MEGF8: variants seen among roughly 807,000 people sequenced by gnomAD.
MEGF8 encodes the protein multiple EGF like domains 8.
In MEGF8, 156 loss-of-function variants were observed where a neutral mutation model predicts 302.9. The observed-to-expected ratio is 0.52, with a 90% CI of 0.45 to 0.59. The LOEUF (loss-of-function observed/expected upper bound fraction) is 0.59, where lower values mean the gene tolerates loss of function less well. Ranked by LOEUF, MEGF8 falls within the 20% of genes least tolerant of loss-of-function variation. The probability of loss-of-function intolerance (pLI) is 0.00; values close to 1 mark genes in which losing one functional copy is unlikely to be tolerated. For synonymous variants in MEGF8, 1,621 were observed against 1,660.5 expected (o/e 0.98, Z 0.58); for missense variants, 3,345 against 3,964.5 (o/e 0.84, Z 4.20).
rs140035679 is a variant in MEGF8, at chr19:42,349,654, C to T, written c.2454C>T (p.Ser818=). 1,577 of 1,611,924 alleles carry T rather than the reference C, an allele frequency of 9.8e-4. 5 individuals are homozygous for T. The highest frequency in any genetic ancestry group is 9.6e-3 in the Middle Eastern group (58 of 6,054). Residue 818 remains serine (S), a synonymous_variant, in exon 14 of 42, where the codon AGC becomes AGT. Transcript: ENST00000251268. ...ATGGCTCGGCAGGCCCTGGGCACAG[C>T]GAGCTAACTCTGCTGTGGGATCGGA... is the stretch of plus-strand genomic sequence containing the variant. The part of the protein sequence containing the change: ...QLNGSAGPGH[S]ELTLLWDRTG...
intron 5 of MEGF8, 100 bp downstream of exon 5, chr19:42,335,485 C>T: frequency 3.7e-6 from 4 of 1,083,484 alleles, no homozygotes; most frequent in Non-Finnish European, 5.5e-6. Context: ...TCCCACAGTT[C>T]CTGCAGCTTG....
At chr19:42,343,367 A>G in intron 8 of MEGF8, 110 bp from the exon 9 acceptor site, 1 of 1,283,644 alleles carries the variant, frequency 7.8e-7, no homozygotes, top group Non-Finnish European at 1.1e-6. Context: ...GTGAGGTTGA[A>G]GCAGCCACCG....
rs144124759 is a variant in MEGF8, at chr19:42,356,833, C to T, written c.4682C>T (p.Pro1561Leu). 339 of 1,563,050 alleles carry T rather than the reference C, an allele frequency of 2.2e-4. No homozygotes were observed. The highest frequency in any genetic ancestry group is 2.7e-4 in the Non-Finnish European group (317 of 1,153,958). Residue 1561 changes from proline to leucine, a missense_variant, in exon 27 of 42, where the codon CCA becomes CTA. Pro to Leu is a moderately conservative substitution (Grantham distance 98). Transcript: ENST00000251268. This position sits in a 1 kb window ranked among gnomAD's most constrained non-coding sequence, Gnocchi z 5.2. The part of the protein sequence containing the change: ...QMLAGAEDGG[P>L]GPSPRSFHAA... ...CTGGCGGGAGCCGAGGACGGGGGCC[C>T]AGGCCCATCGCCCCGCTCCTTCCAT...
chr19:42,364,939 C>T (rs2039582953), intron 35 of MEGF8, among the ~76,000 whole-genome samples: 2 of 152,224 alleles, frequency 1.3e-5, no homozygotes, highest in Admixed American at 1.3e-4. Flanking sequence ...ATCATTGTTA[C>T]TGTAATGAGC....
Position 42,352,392 on chromosome 19 carries a change from C to A in MEGF8, c.3286C>A (p.Leu1096Ile), listed in dbSNP as rs1470268755. 1.3e-6 allele frequency: 2 copies of A among 1,595,970 alleles called. No individual in the cohort carries two copies. Among genetic ancestry groups the A allele is most frequent in the Non-Finnish European group, 1.7e-6 (2 of 1,171,930 alleles). Residue 1096 changes from leucine to isoleucine, a missense_variant, in exon 19 of 42, where the codon CTC becomes ATC. Leu to Ile is a conservative substitution (Grantham distance 5). Transcript: ENST00000251268. This position sits in a 1 kb window ranked among gnomAD's most constrained non-coding sequence, Gnocchi z 4.4. Reference protein sequence around the residue: ...HPRATCLNTPLSYECHCQRGY... With the variant: ...HPRATCLNTPISYECHCQRGY... ...GCGGGCGACCTGCCTGAACACGCCC[C>A]TCAGCTACGAGTGTCACTGCCAGCG...
Position 42,358,221 on chromosome 19 carries a change from G to A in MEGF8, c.5089G>A (p.Glu1697Lys), listed in dbSNP as rs1349042692. 1.3e-6 allele frequency: 2 copies of A among 1,599,992 alleles called. 1 individual carries two copies. The highest frequency in any genetic ancestry group is 1.7e-6 in the Non-Finnish European group (2 of 1,174,262). The change falls in exon 29 of 42, where the codon GAG (glutamate) becomes AAG (lysine). Residue 1697 changes from glutamate (E) to lysine (K), a missense_variant. Coordinates refer to ENST00000251268, the MANE Select transcript of MEGF8 (RefSeq NM_001271938.2). The surrounding 1 kb of genome is among the most constrained non-coding windows in gnomAD (Gnocchi z 4.4). ...YVFGGFRFHVELAAPSPELYS... is the reference protein window; with the variant it reads ...YVFGGFRFHVKLAAPSPELYS... ...GTTTGGGGGGTTCCGATTCCATGTG[G>A]AGCTGGCGGCCCCATCCCCCGAGCT...
Position 42,358,031 on chromosome 19 carries a change from C to A in MEGF8, c.5012-113C>A. On this transcript the variant is annotated intron_variant, in intron 28 of 41. Coordinates refer to ENST00000251268, the MANE Select transcript of MEGF8 (RefSeq NM_001271938.2). This position sits in a 1 kb window ranked among gnomAD's most constrained non-coding sequence, Gnocchi z 4.4. ...GACGGGTGGAGAGGGGCTCCCAGGCCTCCAGTCTCAGGGCCGGGGAAGGGA... is the reference window on the plus strand; with the variant it reads ...GACGGGTGGAGAGGGGCTCCCAGGCATCCAGTCTCAGGGCCGGGGAAGGGA... 1 of 1,084,160 alleles carries A rather than the reference C, an allele frequency of 9.2e-7. No individual in the cohort carries two copies. Among genetic ancestry groups the A allele is most frequent in the Non-Finnish European group, 1.3e-6 (1 of 795,308 alleles). The allele number at this position is 1,084,160 out of a possible 1,614,324, so 67.2% of individuals were successfully genotyped here. A position where few individuals can be genotyped will look rare whatever the true frequency, so the allele number is the denominator to read the frequency against.
chr19:42,343,141 T>C (rs2147462391), intron 8 of MEGF8, among the ~76,000 whole-genome samples: 1 of 152,276 alleles, frequency 6.6e-6, no homozygotes, highest in African/African-American at 2.4e-5. Flanking sequence ...GTTCTTTTTA[T>C]AGAGGAGGAA....
Position 42,362,651 on chromosome 19 carries a change from G to T in MEGF8, c.6058+54G>T. 3 of 1,586,052 alleles carry T rather than the reference G, an allele frequency of 1.9e-6. No homozygotes were observed. In the Admixed American group the frequency reaches 5.0e-5, roughly 26 times the overall value. On this transcript the variant is annotated intron_variant, in intron 34 of 41. Transcript: ENST00000251268. ...GGAGTCTTGGGGCCTGGACTCCTGGGTCTGAGGGAGGAGGGGCTGGGGGCC... is the reference window on the plus strand; with the variant it reads ...GGAGTCTTGGGGCCTGGACTCCTGGTTCTGAGGGAGGAGGGGCTGGGGGCC...
At chr19:42,342,953 C>G (rs928404101) in intron 8 of MEGF8, among the ~76,000 whole-genome samples, 2 of 152,166 alleles carry the variant, frequency 1.3e-5, no homozygotes, top group Non-Finnish European at 2.9e-5. Context: ...GAACCAGGGA[C>G]AACTCCACCT....
In MEGF8 at chr19:42,375,627, G is replaced by A; in HGVS notation, c.7390G>A (p.Glu2464Lys). The A allele has an allele frequency of 1.2e-6, 2 of 1,608,072 alleles. No homozygotes were observed. Among genetic ancestry groups the A allele is most frequent in the Non-Finnish European group, 1.7e-6 (2 of 1,177,892 alleles). The change falls in exon 42 of 42, where the codon GAG (glutamate) becomes AAG (lysine). Residue 2464 changes from glutamate to lysine, a missense_variant. By Grantham distance (56) the Glu-to-Lys change is moderately conservative. Coordinates refer to ENST00000251268, the MANE Select transcript of MEGF8 (RefSeq NM_001271938.2). The surrounding 1 kb of genome is among the most constrained non-coding windows in gnomAD (Gnocchi z 7.1). ...CACGTCCCAGACCAACTGCTTCCAT[G>A]AGCCCAAACGCCGGGCGCTAGGCCC... Reference protein sequence around the residue: ...DPTSQTNCFHEPKRRALGPGR... With the variant: ...DPTSQTNCFHKPKRRALGPGR...
rs376625979 is a variant in MEGF8 at position 42,352,920 on chromosome 19, C to T, written c.3351-8C>T. ...GGCGCTTTCCCCACCCCCAACACGGCCCCTCAGGTGCTTGGAGGACTGTGG... is the reference window on the plus strand; with the variant it reads ...GGCGCTTTCCCCACCCCCAACACGGTCCCTCAGGTGCTTGGAGGACTGTGG... On this transcript the variant is annotated splice_polypyrimidine_tract_variant and splice_region_variant and intron_variant, in intron 19 of 41. Coordinates refer to ENST00000251268, the MANE Select transcript of MEGF8 (RefSeq NM_001271938.2). The surrounding 1 kb of genome is among the most constrained non-coding windows in gnomAD (Gnocchi z 4.4). The T allele has an allele frequency of 3.2e-6, 5 of 1,582,640 alleles. No individual in the cohort carries two copies. The highest frequency in any genetic ancestry group is 2.7e-5 in the African/African-American group (2 of 74,216).
In MEGF8 at chr19:42,349,701, T is replaced by G; in HGVS notation, c.2499+2T>G. 6.2e-7 allele frequency: 1 copy of G among 1,611,204 alleles called. No individual in the cohort carries two copies. Among genetic ancestry groups the G allele is most frequent in the Non-Finnish European group, 8.5e-7 (1 of 1,179,550 alleles). ...CGGACTGGTGTGCCAGGAGGCAGCG[T>G]GAGTACCCAGGACCTACCTCCAACC... On this transcript the variant is annotated splice_donor_variant, in intron 14 of 41. Coordinates refer to ENST00000251268, the MANE Select transcript of MEGF8 (RefSeq NM_001271938.2). LOFTEE classifies it high-confidence loss of function.
Position 42,375,201 on chromosome 19 carries a change from G to A in MEGF8, c.7270-306G>A, listed in dbSNP as rs8109153. Among the ~76,000 whole-genome samples, 4,591 of 152,310 alleles carry A rather than the reference G, an allele frequency of 0.03. 222 individuals carry two copies. Among genetic ancestry groups the A allele is most frequent in the African/African-American group, 0.1 (4,326 of 41,546 alleles). Reference sequence around the variant, plus strand: ...CCAAGGCCACACAGCTAACAAGGAGGTAGAGCCAGAATGCAGCCGCGTTCT... The same window carrying A: ...CCAAGGCCACACAGCTAACAAGGAGATAGAGCCAGAATGCAGCCGCGTTCT... On this transcript the variant is annotated intron_variant, in intron 41 of 41. Coordinates refer to ENST00000251268, the MANE Select transcript of MEGF8 (RefSeq NM_001271938.2). The surrounding 1 kb of genome is among the most constrained non-coding windows in gnomAD (Gnocchi z 7.1).
chr19:42,355,872 A>C lies in MEGF8; in HGVS notation c.4259A>C (p.Glu1420Ala), dbSNP rs148217267. 3 of 1,573,876 alleles carry C rather than the reference A, an allele frequency of 1.9e-6. No homozygotes were observed. In the African/African-American group the frequency reaches 4.1e-5, roughly 21 times the overall value. ...GGPGSCPVPQ[E>A]CVPQDGAAGA... is the part of the protein sequence containing the mutation. The stretch of plus-strand genomic sequence containing the variant: ...CCCGGGAGCTGTCCCGTCCCCCAGG[A>C]ATGCGTGCCCCAGGACGGTGCTGCA... Residue 1420 changes from glutamate (E) to alanine (A), a missense_variant, in exon 24 of 42, where the codon GAA (glutamate) becomes GCA (alanine). Physicochemically the swap from Glu to Ala is moderately radical, Grantham distance 107. Coordinates refer to ENST00000251268, the MANE Select transcript of MEGF8 (RefSeq NM_001271938.2).
In MEGF8 at chr19:42,357,645, G is replaced by A. The variant is rs2039471660; in HGVS notation, c.5011+61G>A. Reference sequence around the variant, plus strand: ...GACCTCCCGGGCATCTGGGCTTCCTGTGGGCTCTCCATCCACTGCTGTGCT... The same window carrying A: ...GACCTCCCGGGCATCTGGGCTTCCTATGGGCTCTCCATCCACTGCTGTGCT... On this transcript the variant is annotated intron_variant, in intron 28 of 41. Coordinates refer to ENST00000251268, the MANE Select transcript of MEGF8 (RefSeq NM_001271938.2). This position sits in a 1 kb window ranked among gnomAD's most constrained non-coding sequence, Gnocchi z 5.2. The A allele has an allele frequency of 2.7e-6, 4 of 1,468,208 alleles. No homozygotes were observed. Among genetic ancestry groups the A allele is most frequent in the South Asian group, 1.2e-5 (1 of 80,066 alleles). The allele number at this position is 1,468,208 out of a possible 1,614,324, so 90.9% of individuals were successfully genotyped here.
chr19:42,331,113 G>A (rs1161570110), intron 1 of MEGF8, among the ~76,000 whole-genome samples: 2 of 152,130 alleles, frequency 1.3e-5, no homozygotes, highest in Non-Finnish European at 2.9e-5. Context: ...GATGAGGCCG[G>A]GCAGCCAGGG....
In MEGF8 at chr19:42,360,633, C is replaced by A. The variant is rs1407089716; in HGVS notation, c.5489-142C>A. On this transcript the variant is annotated intron_variant, in intron 31 of 41. Coordinates refer to ENST00000251268, the MANE Select transcript of MEGF8 (RefSeq NM_001271938.2). ...GTGTTGGGATCACAGGTGTGAGCCA[C>A]CGCCCTTGGCCTTGTTTCTGCTGTC... The A allele has an allele frequency of 4.1e-6, 6 of 1,459,722 alleles. No homozygotes were observed. In the Admixed American group the frequency reaches 1.4e-4, roughly 35 times the overall value. The allele number at this position is 1,459,722 out of a possible 1,614,324, so 90.4% of individuals were successfully genotyped here. A position where few individuals can be genotyped will look rare whatever the true frequency, so the allele number is the denominator to read the frequency against.
Position 42,368,329 on chromosome 19 carries a change from C to T in MEGF8, c.6274-126C>T, listed in dbSNP as rs189049011. The T allele has an allele frequency of 1.6e-5, 13 of 802,676 alleles. No homozygotes were observed. The Middle Eastern group carries it at 7.2e-4, about 45-fold the overall frequency. 49.7% of individuals were successfully genotyped at this position (802,676 alleles called of 1,614,324 possible). A position where few individuals can be genotyped will look rare whatever the true frequency, so the allele number is the denominator to read the frequency against. On this transcript the variant is annotated intron_variant, in intron 35 of 41. Coordinates refer to ENST00000251268, the MANE Select transcript of MEGF8 (RefSeq NM_001271938.2). The surrounding 1 kb of genome is among the most constrained non-coding windows in gnomAD (Gnocchi z 4.9). ...CCAGCTAGTGTCCACTTTGCTCTAC[C>T]TGTGGCCAGGGAGGGGTGAGACCTC...
Sources: gnomAD v4.1 joint callset for allele counts (sites outside exome capture counted in the v4.1 genomes callset) on GRCh38, gnomAD v4.1.1 for gene constraint, Gnocchi (gnomAD v3.1) non-coding constraint, MANE v1.5 for transcripts, NCBI Gene and HGNC (gene_info 2026-07-23, HGNC 2026-07-21) for gene names.